KHDRBS2: variants seen among roughly 807,000 people sequenced by gnomAD.
KHDRBS2 encodes the protein KH RNA binding domain containing, signal transduction associated 2.
Under a neutral mutation model 44.3 loss-of-function variants are expected in KHDRBS2, and 26 were observed. The observed-to-expected ratio is 0.59, with a 90% CI of 0.43 to 0.81. The LOEUF is 0.81. KHDRBS2 is among the 40% of genes least tolerant of loss of function. The pLI is 0.00. For missense variants in KHDRBS2, 476 were observed against 433.1 expected (o/e 1.10, Z -0.88); for synonymous variants, 194 against 151.1 (o/e 1.28, Z -2.08).
chr6:61,607,361 G>A, the KHDRBS2 span, among the ~76,000 whole-genome samples: 1 of 150,802 alleles, frequency 6.6e-6, no homozygotes, highest in African/African-American at 2.4e-5. Context: ...GCAAAAATTA[G>A]TTCAGATATA....
At chr6:62,024,025 A>G (rs1782830607) in intron 3 of KHDRBS2, among the ~76,000 whole-genome samples, 1 of 151,256 alleles carries the variant, frequency 6.6e-6, no homozygotes, top group Non-Finnish European at 1.5e-5. Flanking sequence ...ATAATTTGTT[A>G]AACATTCAAT....
At chr6:61,614,718 G>A in the KHDRBS2 span, among the ~76,000 whole-genome samples, 1 of 152,012 alleles carries the variant, frequency 6.6e-6, no homozygotes, top group Non-Finnish European at 1.5e-5. Flanking sequence ...GTGTGGGGAA[G>A]TTTTTGCTGT....
intron 4 of KHDRBS2, among the ~76,000 whole-genome samples, chr6:61,960,347 C>T (rs1160178496): frequency 6.6e-6 from 1 of 151,958 alleles, no homozygotes; most frequent in Non-Finnish European, 1.5e-5. Context: ...AGCCCTGAAC[C>T]TTTTGGAGCA....
At position 61,966,124 on chromosome 6, in the gene KHDRBS2, GAA is replaced by G. The variant is rs1769884278; in HGVS notation, c.483+11940_483+11941del. Among the ~76,000 whole-genome samples, 5 of 116,074 alleles carry G rather than the reference GAA, an allele frequency of 4.3e-5. No homozygotes were observed. In the Admixed American group the frequency reaches 4.4e-4, roughly 10 times the overall value. 76.1% of individuals were successfully genotyped at this position (116,074 alleles called of 152,430 possible). ...TTCTAACTGTACTATAATTGACATA[GAA>G]TTTGTTTTACGCTTAAAATGAAATC... On this transcript the variant is annotated intron_variant, in intron 4 of 8. Coordinates refer to ENST00000281156, the MANE Select transcript of KHDRBS2 (RefSeq NM_152688.4).
intron 4 of KHDRBS2, among the ~76,000 whole-genome samples, chr6:61,914,698 T>C (rs545299168): frequency 7.2e-5 from 11 of 152,262 alleles, no homozygotes; most frequent in African/African-American, 1.4e-4. Flanking sequence ...CAAAGAGACT[T>C]CTTAAATTGG....
chr6:61,922,290 G>A (rs538289397), intron 4 of KHDRBS2, among the ~76,000 whole-genome samples: 5 of 152,020 alleles, frequency 3.3e-5, no homozygotes, highest in African/African-American at 9.7e-5. Context: ...GGGAACAACT[G>A]TGGTAAGCCC....
the KHDRBS2 span, among the ~76,000 whole-genome samples, chr6:61,572,944 A>G: frequency 6.6e-6 from 1 of 152,214 alleles, no homozygotes; most frequent in East Asian, 1.9e-4. Context: ...CTTCTATTCA[A>G]CATAGTACTG....
chr6:61,859,628 C>T (rs1050708852), intron 6 of KHDRBS2, among the ~76,000 whole-genome samples: 5 of 151,864 alleles, frequency 3.3e-5, no homozygotes, highest in African/African-American at 9.7e-5. Flanking sequence ...CACTTTAAAC[C>T]CAGGTCTCAA....
intron 1 of KHDRBS2, among the ~76,000 whole-genome samples, chr6:62,276,647 A>G (rs1840983552): frequency 6.6e-6 from 1 of 152,216 alleles, no homozygotes; most frequent in Admixed American, 6.5e-5. Context: ...CCATTCATAA[A>G]TTTATTTGAC....
chr6:61,989,557 C>T (rs570896778), intron 3 of KHDRBS2, among the ~76,000 whole-genome samples: 46 of 152,214 alleles, frequency 3.0e-4, no homozygotes, highest in African/African-American at 1.0e-3. Context: ...ATCTGCTTGG[C>T]TATAAAAAAA....
intron 6 of KHDRBS2, among the ~76,000 whole-genome samples, chr6:61,822,058 T>G (rs185958465): frequency 6.6e-6 from 1 of 152,134 alleles, no homozygotes; most frequent in East Asian, 1.9e-4. Context: ...GAAACAAAAT[T>G]ACCTGATTCA....
intron 2 of KHDRBS2, among the ~76,000 whole-genome samples, chr6:62,074,010 T>C (rs2127348353): frequency 6.6e-6 from 1 of 151,890 alleles, no homozygotes; most frequent in Non-Finnish European, 1.5e-5. Context: ...CTCTGTAATA[T>C]GGATCACAAT....
At chr6:62,132,149 A>T (rs2150090854) in intron 2 of KHDRBS2, among the ~76,000 whole-genome samples, 1 of 152,328 alleles carries the variant, frequency 6.6e-6, no homozygotes. Flanking sequence ...GTTCATCTCC[A>T]TCCTCTATTT....
In KHDRBS2 at chr6:62,031,840, G is replaced by A. The variant is rs79591030; in HGVS notation, c.336+16038C>T. 4.7e-3 allele frequency among the ~76,000 whole-genome samples: 708 copies of A among 152,174 alleles called. 6 individuals carry two copies. The highest frequency in any genetic ancestry group is 0.016 in the African/African-American group (647 of 41,544). On this transcript the variant is annotated intron_variant, in intron 3 of 8. Coordinates refer to ENST00000281156, the MANE Select transcript of KHDRBS2 (RefSeq NM_152688.4). ...CAGAAGGGAAGGACACAGACCTGGT[G>A]AGCTTTGCCACCTGCTGATTGTAGA...
At chr6:62,012,099 AC>A (rs67408253) in intron 3 of KHDRBS2, among the ~76,000 whole-genome samples, 30,576 of 152,106 alleles carry the variant, frequency 0.2, 3,694 homozygotes, top group Admixed American at 0.32. Context: ...CCCCTTCTTG[AC>A]GAGTCCATGT....
At chr6:61,598,320 C>A in the KHDRBS2 span, among the ~76,000 whole-genome samples, 1 of 145,424 alleles carries the variant, frequency 6.9e-6, no homozygotes, top group African/African-American at 2.4e-5. Context: ...AGACTGATAA[C>A]ATAAGGCCCT....
chr6:62,269,934 T>C (rs1435444591), intron 1 of KHDRBS2, among the ~76,000 whole-genome samples: 1 of 152,092 alleles, frequency 6.6e-6, no homozygotes, highest in Non-Finnish European at 1.5e-5. Flanking sequence ...TGCAACAACA[T>C]GGATGACTGT....
In KHDRBS2 at chr6:62,031,397, C is replaced by G. The variant is rs1784312628; in HGVS notation, c.336+16481G>C. ...AGTGAAAAGTAAGGTAGAATTTGTC[C>G]TGTACCTTAGGTGGGCCACAGTGAA... On this transcript the variant is annotated intron_variant, in intron 3 of 8. Coordinates refer to ENST00000281156, the MANE Select transcript of KHDRBS2 (RefSeq NM_152688.4). 2.0e-5 allele frequency among the ~76,000 whole-genome samples: 3 copies of G among 152,168 alleles called. No homozygotes were observed. In the South Asian group the frequency reaches 6.2e-4, roughly 32 times the overall value.
the KHDRBS2 span, among the ~76,000 whole-genome samples, chr6:61,556,960 C>T: frequency 7.4e-6 from 1 of 135,624 alleles, no homozygotes; most frequent in East Asian, 2.4e-4. Context: ...AAGTTTGTTG[C>T]CAACAGCTTT....
Sources: gnomAD v4.1 joint callset for allele counts (sites outside exome capture counted in the v4.1 genomes callset) on GRCh38, gnomAD v4.1.1 for gene constraint, MANE v1.5 for transcripts, NCBI Gene and HGNC (gene_info 2026-07-23, HGNC 2026-07-21) for gene names.